The following RTL4 variants were observed in gnomAD, a reference collection of about 807,000 sequenced individuals.
RTL4 encodes retrotransposon Gag like 4.
Under a neutral mutation model 5.3 loss-of-function variants are expected in RTL4, and 4 were observed. The observed-to-expected ratio is 0.75, with a 90% confidence interval of 0.37 to 1.72. The LOEUF is 1.72. Ranked by LOEUF, RTL4 falls within the 40% of genes most tolerant of loss-of-function variation. The probability of loss-of-function intolerance (pLI) is 0.04; values close to 1 mark genes in which losing one functional copy is unlikely to be tolerated. For missense variants in RTL4, 260 were observed against 227.1 expected, an observed-to-expected ratio of 1.14 and a Z score of -0.93; for synonymous variants, 98 against 87.3, an observed-to-expected ratio of 1.12 and a Z score of -0.68.
chrX:112,300,182 A>C, the RTL4 span, among the ~76,000 whole-genome samples: 26,303 of 110,646 alleles, frequency 0.24, 2,521 homozygotes, highest in Admixed American at 0.34. Context: ...TCTCTTTTTG[A>C]TTAATAATGC....
chrX:112,197,693 C>A, the RTL4 span, among the ~76,000 whole-genome samples: 1,180 of 111,312 alleles, frequency 0.011, 9 homozygotes, highest in Middle Eastern at 0.06. Flanking sequence ...AAACCAGGTG[C>A]CCTCCCCTCC....
At chrX:112,135,049 C>G in the RTL4 span, among the ~76,000 whole-genome samples, 4 of 112,053 alleles carry the variant, frequency 3.6e-5, no homozygotes, top group Non-Finnish European at 7.5e-5. Context: ...GCTCTCCTTT[C>G]TCTTAGATAA....
chrX:112,131,453 T>C, the RTL4 span, among the ~76,000 whole-genome samples: 7 of 111,678 alleles, frequency 6.3e-5, no homozygotes, highest in Non-Finnish European at 1.1e-4. Context: ...ACTGGAAGAC[T>C]GATATTGACA....
the RTL4 span, chrX:112,381,722 G>C: frequency 8.3e-7 from 1 of 1,201,659 alleles, no homozygotes; most frequent in African/African-American, 1.7e-5. Flanking sequence ...GAGGGACATT[G>C]CTATATTAAA....
At chrX:112,412,958 T>G in the RTL4 span, among the ~76,000 whole-genome samples, 1 of 111,470 alleles carries the variant, frequency 9.0e-6, no homozygotes, top group Non-Finnish European at 1.9e-5. Context: ...ACTATCCATC[T>G]GACAAGGGAT....
the RTL4 span, among the ~76,000 whole-genome samples, chrX:112,404,871 G>A: frequency 8.9e-6 from 1 of 112,271 alleles, no homozygotes; most frequent in Non-Finnish European, 1.9e-5. Flanking sequence ...CTGGACAGAT[G>A]CTTCCTTCTA....
chrX:112,227,100 G>A, the RTL4 span, among the ~76,000 whole-genome samples: 4 of 110,983 alleles, frequency 3.6e-5, no homozygotes, highest in Non-Finnish European at 7.5e-5. Flanking sequence ...CAGCATTTGA[G>A]CTTGTCTTTG....
At chrX:112,379,435 A>G in the RTL4 span, among the ~76,000 whole-genome samples, 4 of 112,409 alleles carry the variant, frequency 3.6e-5, no homozygotes, top group African/African-American at 9.7e-5. Context: ...TCTATTTTCT[A>G]CTTACGTAAT....
chrX:112,367,016 A>C, the RTL4 span, among the ~76,000 whole-genome samples: 1 of 111,716 alleles, frequency 9.0e-6, no homozygotes, highest in Non-Finnish European at 1.9e-5. Context: ...AGCGCAGCTG[A>C]AAAGCAAGGA....
the RTL4 span, among the ~76,000 whole-genome samples, chrX:112,437,464 T>A: frequency 8.9e-6 from 1 of 111,856 alleles, no homozygotes; most frequent in Non-Finnish European, 1.9e-5. Context: ...TGATGGATGT[T>A]AATTAGTTTA....
chrX:112,433,133 T>A, the RTL4 span, among the ~76,000 whole-genome samples: 27 of 111,555 alleles, frequency 2.4e-4, no homozygotes, highest in South Asian at 1.9e-3. Flanking sequence ...TGGTTACTGT[T>A]GCCTTGTAGT....
the RTL4 span, among the ~76,000 whole-genome samples, chrX:112,374,868 G>C: frequency 9.0e-6 from 1 of 111,381 alleles, no homozygotes; most frequent in Non-Finnish European, 1.9e-5. Context: ...GAATTGCCTA[G>C]CCACAGGTCT....
chrX:112,275,224 C>T, the RTL4 span, among the ~76,000 whole-genome samples: 1 of 105,667 alleles, frequency 9.5e-6, no homozygotes, highest in East Asian at 2.9e-4. Flanking sequence ...TAGCTGAGAG[C>T]GGGGTAAAGA....
At chrX:112,309,975 A>G in the RTL4 span, among the ~76,000 whole-genome samples, 1 of 103,892 alleles carries the variant, frequency 9.6e-6, no homozygotes, top group Non-Finnish European at 2.0e-5. Context: ...GGATTGCTTG[A>G]GCTTGGGAGG....
chrX:112,183,938 G>A, the RTL4 span, among the ~76,000 whole-genome samples: 5 of 111,659 alleles, frequency 4.5e-5, no homozygotes, highest in African/African-American at 1.6e-4. Context: ...AAGCAGACCT[G>A]TGCATGTGTC....
the RTL4 span, among the ~76,000 whole-genome samples, chrX:112,242,561 T>G: frequency 1.1e-3 from 120 of 112,312 alleles, no homozygotes; most frequent in African/African-American, 3.8e-3. Context: ...CCTGAGTCTT[T>G]GCTGAAGTTG....
chrX:112,322,399 C>G, the RTL4 span, among the ~76,000 whole-genome samples: 1 of 103,167 alleles, frequency 9.7e-6, no homozygotes, highest in Non-Finnish European at 2.0e-5. Context: ...ATGGATGTTT[C>G]TTCATTTCCG....
the RTL4 span, among the ~76,000 whole-genome samples, chrX:112,232,727 T>G: frequency 8.9e-6 from 1 of 111,838 alleles, no homozygotes; most frequent in Non-Finnish European, 1.9e-5. Context: ...TTCCTGAATT[T>G]AACAGAAAAT....
the RTL4 span, among the ~76,000 whole-genome samples, chrX:112,267,547 C>T: frequency 9.0e-6 from 1 of 111,530 alleles, no homozygotes; most frequent in South Asian, 3.8e-4. Flanking sequence ...TACTCGTTGC[C>T]TTGGCAATCT....
Sources: allele counts gnomAD v4.1 joint callset (sites outside exome capture counted in the v4.1 genomes callset), GRCh38; gene constraint gnomAD v4.1.1; transcripts MANE v1.5; gene names NCBI Gene and HGNC (gene_info 2026-07-23, HGNC 2026-07-21).